ADAMTS20: variants seen among roughly 807,000 people sequenced by gnomAD.
ADAMTS20 encodes the protein ADAM metallopeptidase with thrombospondin type 1 motif 20.
Under a neutral mutation model 260.1 loss-of-function variants are expected in ADAMTS20, and 225 were observed. The observed-to-expected ratio is 0.87, with a 90% CI of 0.78 to 0.97. The LOEUF (loss-of-function observed/expected upper bound fraction) is 0.97, where lower values mean the gene tolerates loss of function less well. Ranked by LOEUF, ADAMTS20 falls within the 50% of genes least tolerant of loss-of-function variation. The probability of loss-of-function intolerance (pLI) is 0.00; values close to 1 mark genes in which losing one functional copy is unlikely to be tolerated. For missense variants in ADAMTS20, 2,400 were observed against 2,337.7 expected (o/e 1.03, Z -0.55); for synonymous variants, 802 against 769.5 (o/e 1.04, Z -0.70).
intron 7 of ADAMTS20, among the ~76,000 whole-genome samples, chr12:43,483,702 G>A (rs574257886): frequency 6.6e-6 from 1 of 152,282 alleles, no homozygotes; most frequent in East Asian, 1.9e-4. Flanking sequence ...TGGAAGGAGA[G>A]TCACGGTGGC....
At position 43,439,764 on chromosome 12, in the gene ADAMTS20, A is replaced by G. The variant is rs368362166; in HGVS notation, c.2464-13T>C. On this transcript the variant is annotated splice_polypyrimidine_tract_variant and intron_variant, in intron 17 of 38. Transcript: ENST00000389420. ...CCACACACAACACCTCAATAAGAAT[A>G]TAAAAGAACATACAATTAATACATA... 93 of 1,596,106 alleles carry G rather than the reference A, an allele frequency of 5.8e-5. No homozygotes were observed. The highest frequency in any genetic ancestry group is 7.3e-5 in the Non-Finnish European group (86 of 1,172,262).
At chr12:43,428,982 T>C (rs564035220) in intron 24 of ADAMTS20, among the ~76,000 whole-genome samples, 183 bp from the exon 25 acceptor site, 1 of 152,204 alleles carries the variant, frequency 6.6e-6, no homozygotes, top group Admixed American at 6.5e-5. Flanking sequence ...AATATTCCAA[T>C]CAGTTTAGAT....
chr12:43,441,607 T>C (rs1375273284), intron 16 of ADAMTS20, among the ~76,000 whole-genome samples: 1 of 152,164 alleles, frequency 6.6e-6, no homozygotes, highest in Non-Finnish European at 1.5e-5. Flanking sequence ...AGTGTGTGAA[T>C]TGTAAAGTAC....
At chr12:43,528,347 G>GAAAAAAAAAA (rs1565583137) in intron 3 of ADAMTS20, among the ~76,000 whole-genome samples, 50 of 2,308 alleles carry the variant, frequency 0.022, no homozygotes, top group African/African-American at 0.037. Context: ...GCAATCCTAA[G>GAAAAAAAAAA]CAAAAAAAAA....
In ADAMTS20 at chr12:43,492,671, C is replaced by T. The variant is rs572071088; in HGVS notation, c.952-42G>A. On this transcript the variant is annotated intron_variant, in intron 5 of 38. Coordinates refer to ENST00000389420, the MANE Select transcript of ADAMTS20 (RefSeq NM_025003.5). ...ATGCAATACTATGTCAAAATATTAA[C>T]GTCCTCTTTTCCTTCCAAGTTTATC... 4.4e-5 allele frequency: 71 copies of T among 1,603,686 alleles called. No individual in the cohort carries two copies. In the Middle Eastern group the frequency reaches 5.2e-4, roughly 12 times the overall value.
At chr12:43,410,550 T>G (rs886362206) in intron 28 of ADAMTS20, among the ~76,000 whole-genome samples, 1 of 152,210 alleles carries the variant, frequency 6.6e-6, no homozygotes, top group Non-Finnish European at 1.5e-5. Context: ...CAAAATTGAT[T>G]TGGAATTAAT....
intron 4 of ADAMTS20, among the ~76,000 whole-genome samples, chr12:43,499,274 C>A (rs926513807): frequency 1.4e-4 from 22 of 152,218 alleles, no homozygotes; most frequent in Middle Eastern, 3.4e-3. Flanking sequence ...TCAACAGAAA[C>A]CTGCTCTCTT....
Position 43,493,209 on chromosome 12 carries a change from G to A in ADAMTS20, c.912C>T (p.His304=), listed in dbSNP as rs1314980590. 4.5e-6 allele frequency: 7 copies of A among 1,562,688 alleles called. No individual in the cohort carries two copies. Among genetic ancestry groups the A allele is most frequent in the Non-Finnish European group, 6.1e-6 (7 of 1,152,266 alleles). The stretch of plus-strand genomic sequence containing the variant: ...TCATAACTAATTTTACCACTACTAT[G>A]TGTATCAAATTTCCAATACTTGGAT... The part of the protein sequence containing the change: ...YKDPSIGNLI[H]IVVVKLVMIH... Residue 304 remains histidine, a synonymous_variant, in exon 5 of 39, where the codon CAC becomes CAT. Coordinates refer to ENST00000389420, the MANE Select transcript of ADAMTS20 (RefSeq NM_025003.5).
chr12:43,393,424 C>T (rs1057085098), intron 29 of ADAMTS20, among the ~76,000 whole-genome samples: 4 of 151,840 alleles, frequency 2.6e-5, no homozygotes, highest in African/African-American at 9.7e-5. Context: ...AAAAATATAA[C>T]ACTGCATACA....
At chr12:43,446,530 C>T in intron 15 of ADAMTS20, 65 bp downstream of exon 15, 2 of 1,223,186 alleles carry the variant, frequency 1.6e-6, no homozygotes, top group Admixed American at 1.9e-5. Flanking sequence ...ACTGTTACAC[C>T]TTCTTTACAG....
chr12:43,386,438 T>G (rs1302172263), intron 29 of ADAMTS20, among the ~76,000 whole-genome samples: 1 of 152,222 alleles, frequency 6.6e-6, no homozygotes, highest in Non-Finnish European at 1.5e-5. Flanking sequence ...CATTTCAACC[T>G]TGGTGAATCT....
At chr12:43,394,666 A>G (rs1940663089) in intron 29 of ADAMTS20, among the ~76,000 whole-genome samples, 1 of 152,098 alleles carries the variant, frequency 6.6e-6, no homozygotes. Context: ...TGTGAACTTC[A>G]TGTGTCCTTC....
rs762809440 is a variant in ADAMTS20 at position 43,428,766 on chromosome 12, G to A, written c.3523C>T (p.Arg1175Cys). 4.7e-5 allele frequency: 76 copies of A among 1,608,766 alleles called. No homozygotes were observed. The highest frequency in any genetic ancestry group is 4.3e-4 in the South Asian group (39 of 90,480). Residue 1175 changes from arginine (R) to cysteine (C), a missense_variant, in exon 25 of 39, where the codon CGC (arginine) becomes TGC (cysteine). Arg to Cys is a radical substitution (Grantham distance 180). Transcript: ENST00000389420. ...SVSCGRGTQARYVSCRDALDR... is the reference protein window; with the variant it reads ...SVSCGRGTQACYVSCRDALDR... ...AGAGCATCACGACAGCTTACATAGCGGGCTTGAGTACCTCTTCCACAAGAT... is the reference window on the plus strand; with the variant it reads ...AGAGCATCACGACAGCTTACATAGCAGGCTTGAGTACCTCTTCCACAAGAT...
At chr12:43,465,262 T>A (rs1396442467) in intron 9 of ADAMTS20, among the ~76,000 whole-genome samples, 1 of 152,110 alleles carries the variant, frequency 6.6e-6, no homozygotes, top group Admixed American at 6.6e-5. Context: ...TCAAGATCAC[T>A]GGCTTTGGGA....
chr12:43,528,286 G>GA (rs1372890690), intron 3 of ADAMTS20, among the ~76,000 whole-genome samples: 1 of 84,148 alleles, frequency 1.2e-5, no homozygotes, highest in African/African-American at 5.2e-5. Flanking sequence ...AAAGAATTAG[G>GA]AAAAAAATCC....
At position 43,427,407 on chromosome 12, in the gene ADAMTS20, T is replaced by C; in HGVS notation, c.4008A>G (p.Gly1336=). 1 of 1,613,894 alleles carries C rather than the reference T, an allele frequency of 6.2e-7. No homozygotes were observed. Among genetic ancestry groups the C allele is most frequent in the South Asian group, 1.1e-5 (1 of 91,076 alleles). Reference sequence around the variant, plus strand: ...CTGCATCGCAGTAACTAGCACTTTGTCCATTTTCATCCTGGCAGACCACAG... The same window carrying C: ...CTGCATCGCAGTAACTAGCACTTTGCCCATTTTCATCCTGGCAGACCACAG... ...HRAVVCQDEN[G]QSASYCDAAS... The change falls in exon 27 of 39, where the codon GGA becomes GGG. Residue 1336 remains glycine, a synonymous_variant. Coordinates refer to ENST00000389420, the MANE Select transcript of ADAMTS20 (RefSeq NM_025003.5).
intron 2 of ADAMTS20, among the ~76,000 whole-genome samples, chr12:43,539,661 G>A (rs1943348740): frequency 6.6e-6 from 1 of 152,024 alleles, no homozygotes. Context: ...CTTATAAGAA[G>A]TAAAAAAGAC....
At position 43,377,237 on chromosome 12, in the gene ADAMTS20, G is replaced by A. The variant is rs757602096; in HGVS notation, c.4995+128C>T. On this transcript the variant is annotated intron_variant, in intron 32 of 38. Transcript: ENST00000389420. The stretch of plus-strand genomic sequence containing the variant: ...AATATTTATATAAATAACTGGTAAT[G>A]TGGATTTTAGAAAATAGTGGTCTGA... The A allele has an allele frequency of 8.7e-6, 6 of 686,588 alleles. No individual in the cohort carries two copies. The Admixed American group carries it at 9.6e-5, about 11-fold the overall frequency. The allele number at this position is 686,588 out of a possible 1,614,324, so 42.5% of individuals were successfully genotyped here.
chr12:43,375,374 C>A lies in ADAMTS20; in HGVS notation c.5446+5G>T, dbSNP rs1940200990. ...TTGATTTTAAAATATAGATTGAGCA[C>A]TTACTTTTAATTTGCATGGAAGTGA... is the stretch of plus-strand genomic sequence containing the variant. On this transcript the variant is annotated splice_donor_5th_base_variant and intron_variant, in intron 36 of 38. Transcript: ENST00000389420. 1 of 1,610,706 alleles carries A rather than the reference C, an allele frequency of 6.2e-7. No individual in the cohort carries two copies. The highest frequency in any genetic ancestry group is 8.5e-7 in the Non-Finnish European group (1 of 1,179,104).
Sources: gnomAD v4.1 joint callset for allele counts (sites outside exome capture counted in the v4.1 genomes callset) on GRCh38, gnomAD v4.1.1 for gene constraint, MANE v1.5 for transcripts, NCBI Gene and HGNC (gene_info 2026-07-23, HGNC 2026-07-21) for gene names.